The following ADGRL2 variants were observed in gnomAD, a reference collection of about 807,000 sequenced individuals.
ADGRL2 encodes the protein adhesion G protein-coupled receptor L2.
ADGRL2 carries 44 observed loss-of-function variants against 157.4 expected under a neutral mutation model. The observed-to-expected ratio is 0.28, with a 90% CI of 0.22 to 0.36. ADGRL2 has a LOEUF of 0.36. Ranked by LOEUF, ADGRL2 falls within the 10% of genes least tolerant of loss-of-function variation. The pLI is 1.00. For synonymous variants in ADGRL2, 585 were observed against 624.7 expected (o/e 0.94, Z 0.95); for missense variants, 1,510 against 1,768.9 (o/e 0.85, Z 2.63).
chr1:81,895,674 C>T (rs1296327528), intron 2 of ADGRL2, among the ~76,000 whole-genome samples: 2 of 152,016 alleles, frequency 1.3e-5, no homozygotes, highest in Admixed American at 6.6e-5. Flanking sequence ...GGATTACAGG[C>T]GTGAGCCACC....
At chr1:81,371,847 A>G (rs564117425) in intron 1 of ADGRL2, among the ~76,000 whole-genome samples, 8 of 152,336 alleles carry the variant, frequency 5.3e-5, no homozygotes, top group African/African-American at 1.7e-4. Flanking sequence ...GAGTATTATG[A>G]TAATTGCTGG....
intron 2 of ADGRL2, among the ~76,000 whole-genome samples, chr1:81,794,187 A>G (rs1018631342): frequency 1.3e-5 from 2 of 152,156 alleles, no homozygotes; most frequent in Non-Finnish European, 2.9e-5. Flanking sequence ...TGGATTCTAC[A>G]TTGTTTGAAC....
At chr1:81,701,948 A>G (rs1270507791) in intron 1 of ADGRL2, among the ~76,000 whole-genome samples, 1 of 152,152 alleles carries the variant, frequency 6.6e-6, no homozygotes, top group Non-Finnish European at 1.5e-5. Context: ...CAGAAACTTG[A>G]ATCTATGGCC....
chr1:81,320,154 C>T (rs745959365), intron 1 of ADGRL2, among the ~76,000 whole-genome samples: 3 of 152,170 alleles, frequency 2.0e-5, no homozygotes, highest in Non-Finnish European at 4.4e-5. Context: ...TTTGCTCATC[C>T]ATAAGAAGTA....
chr1:81,956,170 T>C, intron 11 of ADGRL2, 110 bp downstream of exon 11: 1 of 792,794 alleles, frequency 1.3e-6, no homozygotes, highest in Non-Finnish European at 1.8e-6. Context: ...TCTTTTTTTG[T>C]CAAATTATTT....
chr1:81,401,405 A>ACCT (rs1370300589), intron 1 of ADGRL2, among the ~76,000 whole-genome samples: 1 of 111,444 alleles, frequency 9.0e-6, no homozygotes. Flanking sequence ...TGTAGGGAGA[A>ACCT]GTTCCTCCTG....
intron 2 of ADGRL2, chr1:81,501,833 C>CAGCAGCAGCAGCAGCAGCAG (rs1190015060): frequency 6.3e-7 from 1 of 1,588,566 alleles, no homozygotes; most frequent in African/African-American, 1.4e-5. Flanking sequence ...ACAGAAGCAG[C>CAGCAGCAGCAGCAGCAGCAG]CACACCTGGC....
chr1:81,824,402 G>T (rs2091275783), intron 1 of ADGRL2, among the ~76,000 whole-genome samples: 1 of 151,856 alleles, frequency 6.6e-6, no homozygotes, highest in Admixed American at 6.6e-5. Flanking sequence ...AGCCTCCCAA[G>T]AAGCTGGAAC....
At chr1:81,669,621 A>G (rs1360720513) in intron 3 of ADGRL2, among the ~76,000 whole-genome samples, 1 of 152,184 alleles carries the variant, frequency 6.6e-6, no homozygotes, top group Non-Finnish European at 1.5e-5. Flanking sequence ...TATGAAGAAA[A>G]AATGCAGGAT....
At position 81,864,688 on chromosome 1, in the gene ADGRL2, A is replaced by G. The variant is rs185713077; in HGVS notation, c.73+27631A>G. On this transcript the variant is annotated intron_variant, in intron 2 of 23. Coordinates refer to ENST00000686636, the MANE Select transcript of ADGRL2 (RefSeq NM_001366006.2). ...ATTTCTAAAAGTTACGAAGCTGGGC[A>G]TGGTGGCTCACACCTGTAATCCCAG... Among the ~76,000 whole-genome samples, 465 of 152,298 alleles carry G rather than the reference A, an allele frequency of 3.1e-3. 1 individual carries two copies. The highest frequency in any genetic ancestry group is 0.011 in the African/African-American group (449 of 41,574).
chr1:81,912,204 T>C (rs924352246), intron 3 of ADGRL2, among the ~76,000 whole-genome samples: 106 of 151,974 alleles, frequency 7.0e-4, no homozygotes, highest in African/African-American at 2.5e-3. Context: ...CCCAAGTAGC[T>C]GGGATTATAG....
chr1:81,570,667 A>G (rs984212388), intron 2 of ADGRL2, among the ~76,000 whole-genome samples: 1 of 152,142 alleles, frequency 6.6e-6, no homozygotes. Context: ...GAGATTACAG[A>G]CGTGAGCCAC....
intron 1 of ADGRL2, among the ~76,000 whole-genome samples, chr1:81,826,960 A>T (rs1327489135): frequency 6.6e-6 from 1 of 152,216 alleles, no homozygotes; most frequent in Non-Finnish European, 1.5e-5. Flanking sequence ...TAGGTTAAAA[A>T]TGTTACTTTT....
At chr1:81,930,568 G>A (rs2095208974) in intron 3 of ADGRL2, among the ~76,000 whole-genome samples, 2 of 152,282 alleles carry the variant, frequency 1.3e-5, no homozygotes, top group South Asian at 4.1e-4. Flanking sequence ...TGATGCATTA[G>A]CTATTTCTTA....
intron 3 of ADGRL2, among the ~76,000 whole-genome samples, chr1:81,685,958 A>C (rs1365737734): frequency 6.6e-6 from 1 of 152,168 alleles, no homozygotes; most frequent in Non-Finnish European, 1.5e-5. Context: ...GTATATGTTA[A>C]ACCATCTGTG....
intron 2 of ADGRL2, among the ~76,000 whole-genome samples, chr1:81,558,481 G>A (rs2080365397): frequency 6.6e-6 from 1 of 152,114 alleles, no homozygotes; most frequent in African/African-American, 2.4e-5. Context: ...TGGCTGAAAT[G>A]TCTCACCCAC....
At chr1:81,485,181 A>C (rs1213761228) in intron 2 of ADGRL2, among the ~76,000 whole-genome samples, 27 of 151,186 alleles carry the variant, frequency 1.8e-4, no homozygotes, top group African/African-American at 4.7e-4. Flanking sequence ...AAAGCACAAA[A>C]AAAAAAAAAA....
chr1:81,952,834 T>A (rs1242184763), intron 9 of ADGRL2, among the ~76,000 whole-genome samples, 153 bp from the exon 10 acceptor site: 1 of 152,110 alleles, frequency 6.6e-6, no homozygotes, highest in African/African-American at 2.4e-5. Context: ...AAATAAGCAG[T>A]TTTGGTAGTC....
intron 1 of ADGRL2, chr1:81,722,728 C>G: frequency 1.1e-6 from 1 of 923,464 alleles, no homozygotes; most frequent in South Asian, 1.3e-5. Flanking sequence ...AGCGAGAGAT[C>G]AAAGAATAGA....
Sources: allele counts gnomAD v4.1 joint callset (sites outside exome capture counted in the v4.1 genomes callset), GRCh38; gene constraint gnomAD v4.1.1; transcripts MANE v1.5; gene names NCBI Gene and HGNC (gene_info 2026-07-23, HGNC 2026-07-21).